PDE1C: variants seen among roughly 807,000 people sequenced by gnomAD.
The protein encoded by PDE1C is phosphodiesterase 1C, also known as dual specificity calcium/calmodulin-dependent 3',5'-cyclic nucleotide phosphodiesterase 1C.
Under a neutral mutation model 93.1 loss-of-function variants are expected in PDE1C, and 62 were observed. The observed-to-expected ratio is 0.67, with a 90% CI of 0.54 to 0.82. PDE1C has a LOEUF of 0.82. PDE1C is among the 40% of genes least tolerant of loss of function. The pLI is 0.00. For synonymous variants in PDE1C, 325 were observed against 310.1 expected, an observed-to-expected ratio of 1.05 and a Z score of -0.50; for missense variants, 742 against 884.6, an observed-to-expected ratio of 0.84 and a Z score of 2.04.
At chr7:32,012,103 T>G (rs1468748662) in intron 2 of PDE1C, among the ~76,000 whole-genome samples, 1 of 152,180 alleles carries the variant, frequency 6.6e-6, no homozygotes, top group Non-Finnish European at 1.5e-5. Context: ...GAATGTTAAT[T>G]TCACATAACT....
chr7:32,327,516 C>T (rs762725341), intron 1 of PDE1C, among the ~76,000 whole-genome samples: 9 of 152,130 alleles, frequency 5.9e-5, no homozygotes, highest in Non-Finnish European at 1.2e-4. Context: ...CATATGTAAT[C>T]CCAGCACTTT....
chr7:31,923,534 G>T (rs1248786526), intron 2 of PDE1C, among the ~76,000 whole-genome samples: 1 of 152,224 alleles, frequency 6.6e-6, no homozygotes, highest in Non-Finnish European at 1.5e-5. Flanking sequence ...TAACATGGAG[G>T]AGGCCAGCTA....
At chr7:31,744,127 T>C in the PDE1C span, among the ~76,000 whole-genome samples, 5 of 152,204 alleles carry the variant, frequency 3.3e-5, no homozygotes, top group Non-Finnish European at 5.9e-5. Context: ...TATTTCCATA[T>C]GTAAAATATC....
chr7:32,310,728 G>C (rs1246615739), intron 1 of PDE1C, among the ~76,000 whole-genome samples: 3 of 151,864 alleles, frequency 2.0e-5, no homozygotes, highest in Non-Finnish European at 2.9e-5. Flanking sequence ...CAACATACCA[G>C]AATCTCTGGG....
At chr7:32,230,075 G>T (rs1011658825) in intron 1 of PDE1C, among the ~76,000 whole-genome samples, 14 of 152,172 alleles carry the variant, frequency 9.2e-5, no homozygotes, top group African/African-American at 3.4e-4. Flanking sequence ...TTCCTCTGTA[G>T]GCCTGTCAGG....
At chr7:32,370,366 A>G (rs1301800319) in intron 1 of PDE1C, among the ~76,000 whole-genome samples, 1 of 151,332 alleles carries the variant, frequency 6.6e-6, no homozygotes, top group Non-Finnish European at 1.5e-5. Flanking sequence ...GGAGAATGGC[A>G]TGAACCCAGG....
chr7:32,337,017 C>G (rs759410290), intron 1 of PDE1C, among the ~76,000 whole-genome samples: 1 of 152,052 alleles, frequency 6.6e-6, no homozygotes, highest in African/African-American at 2.4e-5. Flanking sequence ...CATTCAGATT[C>G]ACGGATTCTG....
intron 2 of PDE1C, among the ~76,000 whole-genome samples, chr7:31,973,702 G>T (rs1218541562): frequency 3.9e-5 from 6 of 152,126 alleles, no homozygotes; most frequent in African/African-American, 1.4e-4. Context: ...CTGAGACCCA[G>T]AAAGGCTAAA....
Position 31,753,295 on chromosome 7 carries a change from G to C in PDE1C, c.*89C>G. The stretch of plus-strand genomic sequence containing the variant: ...AGTACCTGCTCCAACAGCCTCCAAG[G>C]GTCTTGGAGGTGTGTCCTGCTGTGG... On this transcript the variant is annotated 3_prime_UTR_variant, in exon 18 of 18. Coordinates refer to ENST00000396191, the MANE Select transcript of PDE1C (RefSeq NM_001191057.4). 2 of 1,458,504 alleles carry C rather than the reference G, an allele frequency of 1.4e-6. No individual in the cohort carries two copies. Among genetic ancestry groups the C allele is most frequent in the South Asian group, 2.8e-5 (2 of 72,452 alleles). 90.3% of individuals were successfully genotyped at this position (1,458,504 alleles called of 1,614,324 possible). A position where few individuals can be genotyped will look rare whatever the true frequency, so the allele number is the denominator to read the frequency against.
At chr7:32,336,638 A>G (rs913817696) in intron 1 of PDE1C, among the ~76,000 whole-genome samples, 1 of 152,226 alleles carries the variant, frequency 6.6e-6, no homozygotes, top group African/African-American at 2.4e-5. Context: ...AACAAGTTCC[A>G]AAACCAGATG....
the PDE1C span, among the ~76,000 whole-genome samples, chr7:31,700,102 T>C: frequency 6.6e-6 from 1 of 152,182 alleles, no homozygotes; most frequent in African/African-American, 2.4e-5. Context: ...AAGCTAGAAA[T>C]GATTAGGCTT....
intron 2 of PDE1C, among the ~76,000 whole-genome samples, chr7:32,171,291 T>G (rs975761594): frequency 6.6e-6 from 1 of 152,068 alleles, no homozygotes; most frequent in African/African-American, 2.4e-5. Flanking sequence ...TTGAAGAACC[T>G]GCGACAGAAC....
At chr7:31,881,349 T>C (rs550139803) in intron 2 of PDE1C, among the ~76,000 whole-genome samples, 1 of 151,358 alleles carries the variant, frequency 6.6e-6, no homozygotes, top group South Asian at 2.1e-4. Context: ...ACAGAAGGAA[T>C]AGATGAAAGT....
the PDE1C span, among the ~76,000 whole-genome samples, chr7:31,637,633 T>C: frequency 1.3e-5 from 2 of 152,330 alleles, no homozygotes; most frequent in African/African-American, 4.8e-5. Context: ...ATTCTGGATA[T>C]TAGCCCTTTG....
At chr7:31,873,067 T>C (rs1796134538) in intron 6 of PDE1C, among the ~76,000 whole-genome samples, 1 of 152,130 alleles carries the variant, frequency 6.6e-6, no homozygotes, top group African/African-American at 2.4e-5. Flanking sequence ...AGAATCTAAA[T>C]GGGTCTCTCC....
At chr7:31,846,295 G>A (rs536635182) in intron 9 of PDE1C, among the ~76,000 whole-genome samples, 1 of 148,444 alleles carries the variant, frequency 6.7e-6, no homozygotes, top group East Asian at 2.0e-4. Flanking sequence ...CTGTCCAATG[G>A]AATAGAACAG....
chr7:32,369,702 T>G (rs1784289663), intron 1 of PDE1C, among the ~76,000 whole-genome samples: 1 of 152,210 alleles, frequency 6.6e-6, no homozygotes, highest in African/African-American at 2.4e-5. Context: ...TTTACTGTAG[T>G]ACTATTCACA....
At chr7:32,384,806 G>A (rs1346761632) in intron 1 of PDE1C, among the ~76,000 whole-genome samples, 1 of 152,174 alleles carries the variant, frequency 6.6e-6, no homozygotes, top group Non-Finnish European at 1.5e-5. Context: ...TAGGGATTTT[G>A]TTTAATGCAA....
At chr7:31,836,238 C>T (rs901083085) in intron 11 of PDE1C, among the ~76,000 whole-genome samples, 1 of 152,276 alleles carries the variant, frequency 6.6e-6, no homozygotes, top group South Asian at 2.1e-4. Context: ...GGAAAGACTT[C>T]GGTCTTGGTG....
Sources: gnomAD v4.1 joint callset for allele counts (sites outside exome capture counted in the v4.1 genomes callset) on GRCh38, gnomAD v4.1.1 for gene constraint, MANE v1.5 for transcripts, NCBI Gene and HGNC (gene_info 2026-07-23, HGNC 2026-07-21) for gene names.